The following MECOM variants were observed in gnomAD, a reference collection of about 807,000 sequenced individuals.
The protein encoded by MECOM is MDS1 and EVI1 complex locus.
A neutral mutation model predicts 116.3 loss-of-function variants in MECOM; 13 were observed. The observed-to-expected ratio is 0.11, with a 90% CI of 0.07 to 0.18. The LOEUF (loss-of-function observed/expected upper bound fraction) is 0.18. Ranked by LOEUF, MECOM falls within the 10% of genes least tolerant of loss-of-function variation. The pLI, the probability that MECOM is intolerant of heterozygous loss-of-function variation, is 1.00. For synonymous variants in MECOM, 528 were observed against 535.2 expected (o/e 0.99, Z 0.19); for missense variants, 1,299 against 1,509.0 (o/e 0.86, Z 2.31).
chr3:169,361,804 T>G (rs1348610304), intron 2 of MECOM, among the ~76,000 whole-genome samples: 3 of 151,866 alleles, frequency 2.0e-5, no homozygotes, highest in Non-Finnish European at 4.4e-5. Flanking sequence ...CCATGCTACA[T>G]TTGAGAGGAT....
intron 2 of MECOM, among the ~76,000 whole-genome samples, chr3:169,376,142 A>G (rs1730996089): frequency 6.6e-6 from 1 of 152,196 alleles, no homozygotes; most frequent in Non-Finnish European, 1.5e-5. Flanking sequence ...TTCACGCTAA[A>G]AACTCTCAAT....
chr3:169,329,353 A>G (rs774577053), intron 2 of MECOM, among the ~76,000 whole-genome samples: 32 of 152,220 alleles, frequency 2.1e-4, no homozygotes, highest in Non-Finnish European at 3.1e-4. Context: ...GAATTTTCCT[A>G]TAATGCTTCT....
At chr3:169,381,864 T>A (rs1036692337) in intron 1 of MECOM, among the ~76,000 whole-genome samples, 2 of 152,198 alleles carry the variant, frequency 1.3e-5, no homozygotes, top group African/African-American at 4.8e-5. Flanking sequence ...TGTGTGTAAC[T>A]ACAACCCCCA....
At chr3:169,470,409 A>G (rs1424763013) in intron 1 of MECOM, among the ~76,000 whole-genome samples, 1 of 152,228 alleles carries the variant, frequency 6.6e-6, no homozygotes, top group Non-Finnish European at 1.5e-5. Flanking sequence ...TCTTGATGAC[A>G]GCAAAACCAC....
intron 14 of MECOM, among the ~76,000 whole-genome samples, chr3:169,092,454 A>G (rs1011580271): frequency 6.6e-6 from 1 of 151,986 alleles, no homozygotes; most frequent in Non-Finnish European, 1.5e-5. Flanking sequence ...ATATGTATTT[A>G]TGTATAATAC....
chr3:169,281,489 A>G (rs1247140509), intron 2 of MECOM, among the ~76,000 whole-genome samples: 3 of 152,202 alleles, frequency 2.0e-5, no homozygotes, highest in East Asian at 1.9e-4. Context: ...TCATGCATCA[A>G]AATCATATGT....
intron 1 of MECOM, among the ~76,000 whole-genome samples, chr3:169,617,377 C>T (rs1388403727): frequency 3.9e-5 from 6 of 152,132 alleles, no homozygotes; most frequent in Non-Finnish European, 5.9e-5. Flanking sequence ...AAATCACCTG[C>T]GAATGTTGTT....
intron 2 of MECOM, among the ~76,000 whole-genome samples, chr3:169,375,863 A>C (rs1014924601): frequency 1.6e-5 from 2 of 122,032 alleles, no homozygotes; most frequent in Non-Finnish European, 3.6e-5. Flanking sequence ...AAAACCTGGC[A>C]GAGACACAAC....
At chr3:169,175,019 A>C (rs1744938326) in intron 2 of MECOM, among the ~76,000 whole-genome samples, 1 of 152,218 alleles carries the variant, frequency 6.6e-6, no homozygotes, top group South Asian at 2.1e-4. Flanking sequence ...TGGTATAGAG[A>C]ATAGATACTA....
chr3:169,477,081 A>G (rs1354292687), intron 1 of MECOM: 1 of 75,472 alleles, frequency 1.3e-5, no homozygotes, highest in African/African-American at 6.3e-5. Context: ...GATAAGTAAG[A>G]TGTGTGTGTG....
intron 2 of MECOM, among the ~76,000 whole-genome samples, chr3:169,312,961 A>G (rs1325843447): frequency 1.3e-5 from 2 of 152,188 alleles, no homozygotes; most frequent in African/African-American, 4.8e-5. Context: ...ATGAGCATGA[A>G]GAGAGATGTG....
intron 2 of MECOM, among the ~76,000 whole-genome samples, chr3:169,162,082 T>C (rs1742932985): frequency 6.6e-6 from 1 of 152,178 alleles, no homozygotes; most frequent in Non-Finnish European, 1.5e-5. Context: ...TGGGATAATT[T>C]GTGGGGCAGC....
At chr3:169,252,555 A>G (rs1429605123) in intron 2 of MECOM, among the ~76,000 whole-genome samples, 7 of 151,472 alleles carry the variant, frequency 4.6e-5, no homozygotes, top group Non-Finnish European at 1.0e-4. Context: ...TAAATATTGT[A>G]TCTATATATT....
intron 1 of MECOM, among the ~76,000 whole-genome samples, chr3:169,585,848 G>T (rs1765713573): frequency 6.6e-6 from 1 of 152,120 alleles, no homozygotes; most frequent in Non-Finnish European, 1.5e-5. Context: ...CTTCTTGAGG[G>T]CTATTTAGGA....
At chr3:169,146,654 A>G (rs1740045908) in intron 2 of MECOM, 4 of 1,356,636 alleles carry the variant, frequency 2.9e-6, no homozygotes, top group Non-Finnish European at 3.9e-6. Context: ...CCGGCAGGAA[A>G]CTGTCCGAAG....
intron 2 of MECOM, among the ~76,000 whole-genome samples, chr3:169,152,336 G>A (rs1741296722): frequency 6.6e-6 from 1 of 152,180 alleles, no homozygotes; most frequent in South Asian, 2.1e-4. Context: ...CCCTTGGTCT[G>A]GAAATGGGCC....
chr3:169,128,389 A>G (rs1358255670), intron 4 of MECOM, among the ~76,000 whole-genome samples: 6 of 152,198 alleles, frequency 3.9e-5, no homozygotes, highest in African/African-American at 1.2e-4. Context: ...TGGATTACTG[A>G]CATTCCTTAA....
intron 1 of MECOM, among the ~76,000 whole-genome samples, chr3:169,633,902 CAAAAAA>C (rs3045472): frequency 2.9e-5 from 4 of 137,134 alleles, no homozygotes; most frequent in Admixed American, 7.2e-5. Flanking sequence ...GTGACCCTGG[CAAAAAA>C]AAAAAAAAAA....
At chr3:169,637,156 T>C (rs777547261) in intron 1 of MECOM, among the ~76,000 whole-genome samples, 4 of 152,128 alleles carry the variant, frequency 2.6e-5, no homozygotes, top group Non-Finnish European at 1.5e-5. Context: ...AACATTGATG[T>C]CCTCAAGAAC....
Sources: gnomAD v4.1 joint callset for allele counts (sites outside exome capture counted in the v4.1 genomes callset) on GRCh38, gnomAD v4.1.1 for gene constraint, MANE v1.5 for transcripts, NCBI Gene and HGNC (gene_info 2026-07-23, HGNC 2026-07-21) for gene names.